Variants in ULK4 observed in about 807,000 individuals in gnomAD.
ULK4 encodes the protein inactive serine/threonine-protein kinase ULK4.
ULK4 carries 133 observed loss-of-function variants against 160.6 expected under a neutral mutation model. The observed-to-expected ratio is 0.83, with a 90% CI of 0.72 to 0.96. The LOEUF is 0.96. Ranked by LOEUF, ULK4 falls within the 40% of genes least tolerant of loss-of-function variation. The pLI is 0.00. For synonymous variants in ULK4, 534 were observed against 539.8 expected (o/e 0.99, Z 0.15); for missense variants, 1,580 against 1,499.5 (o/e 1.05, Z -0.89).
intron 31 of ULK4, among the ~76,000 whole-genome samples, chr3:41,586,428 AGT>A (rs1183083072): frequency 6.6e-6 from 1 of 152,204 alleles, no homozygotes; most frequent in African/African-American, 2.4e-5. Flanking sequence ...CATTTCATAA[AGT>A]GTGTAAAGTA....
chr3:41,951,227 T>C (rs951676330), intron 2 of ULK4, among the ~76,000 whole-genome samples: 4 of 149,846 alleles, frequency 2.7e-5, no homozygotes, highest in African/African-American at 7.4e-5. Context: ...TTTTCAGATA[T>C]TAATAATTAA....
intron 35 of ULK4, among the ~76,000 whole-genome samples, chr3:41,376,300 T>A (rs2081492297): frequency 6.7e-6 from 1 of 150,162 alleles, no homozygotes; most frequent in South Asian, 2.2e-4. Context: ...CATAAATCAT[T>A]CCACTATAAA....
chr3:41,801,141 A>T (rs542851456), intron 19 of ULK4, among the ~76,000 whole-genome samples: 1 of 152,210 alleles, frequency 6.6e-6, no homozygotes, highest in Non-Finnish European at 1.5e-5. Flanking sequence ...GGAGAGAAAC[A>T]AAAGATATAA....
At chr3:41,291,683 C>T (rs77481091) in intron 35 of ULK4, among the ~76,000 whole-genome samples, 10 of 152,228 alleles carry the variant, frequency 6.6e-5, no homozygotes, top group African/African-American at 2.4e-4. Flanking sequence ...CTAATCTACA[C>T]GAGTAAACAT....
At chr3:41,467,577 A>C (rs904934304) in intron 32 of ULK4, among the ~76,000 whole-genome samples, 3 of 152,314 alleles carry the variant, frequency 2.0e-5, no homozygotes, top group Middle Eastern at 6.8e-3. Flanking sequence ...GTCCATCAAC[A>C]GGAGACTAAA....
At chr3:41,390,889 G>A (rs2125806873) in intron 35 of ULK4, among the ~76,000 whole-genome samples, 1 of 152,094 alleles carries the variant, frequency 6.6e-6, no homozygotes, top group Middle Eastern at 3.4e-3. Context: ...AGGTCTGCTT[G>A]GTGCAGAGCT....
intron 35 of ULK4, among the ~76,000 whole-genome samples, chr3:41,283,635 G>T (rs143575505): frequency 2.0e-5 from 3 of 152,060 alleles, no homozygotes; most frequent in Non-Finnish European, 4.4e-5. Flanking sequence ...TCAAAACCAG[G>T]GCCTCTCAGC....
At position 41,255,210 on chromosome 3, in the gene ULK4, G is replaced by A. The variant is rs1372912503; in HGVS notation, c.3679-5636C>T. Among the ~76,000 whole-genome samples the A allele has an allele frequency of 3.3e-5, 5 of 151,648 alleles. No individual in the cohort carries two copies. The South Asian group carries it at 6.2e-4, about 19-fold the overall frequency. ...ATATAAGGGCACCAAGGCCAGGCGC[G>A]GTGGCTCATGCCTGTAATCCCAGCA... On this transcript the variant is annotated intron_variant, in intron 35 of 36. Coordinates refer to ENST00000301831, the MANE Select transcript of ULK4 (RefSeq NM_017886.4).
rs548703903 is a variant in ULK4, at chr3:41,659,417, C to A, written c.3071+4190G>T. 2.6e-5 allele frequency among the ~76,000 whole-genome samples: 4 copies of A among 152,286 alleles called. No individual in the cohort carries two copies. In the South Asian group the frequency reaches 8.3e-4, roughly 32 times the overall value. On this transcript the variant is annotated intron_variant, in intron 30 of 36. Transcript: ENST00000301831. The stretch of plus-strand genomic sequence containing the variant: ...TGAAAAGTAGCATTGCCCAGACCAA[C>A]GAACTATTGGCAAAGGGCATAAGCA...
intron 35 of ULK4, among the ~76,000 whole-genome samples, chr3:41,364,432 T>C (rs902551129): frequency 2.6e-5 from 4 of 152,264 alleles, no homozygotes; most frequent in Non-Finnish European, 5.9e-5. Context: ...GGCATCAGTA[T>C]GTAAATATTG....
At chr3:41,958,521 G>A (rs796527094) in intron 1 of ULK4, among the ~76,000 whole-genome samples, 11 of 150,540 alleles carry the variant, frequency 7.3e-5, no homozygotes, top group African/African-American at 2.7e-4. Context: ...GGCCAACATG[G>A]TGAAACCTCA....
intron 29 of ULK4, among the ~76,000 whole-genome samples, chr3:41,669,763 T>C (rs1312562109): frequency 6.6e-6 from 1 of 152,112 alleles, no homozygotes; most frequent in Non-Finnish European, 1.5e-5. Context: ...ATAGATAATA[T>C]AATAATAATA....
intron 4 of ULK4, among the ~76,000 whole-genome samples, chr3:41,935,209 ATTTTTTTTT>A (rs10524611): frequency 0.12 from 16,000 of 135,600 alleles, 1,253 homozygotes; most frequent in Middle Eastern, 0.26. Context: ...TTATTTATTT[ATTTTTTTTT>A]TTTTTTTTTT....
chr3:41,822,324 C>T (rs28626632), intron 18 of ULK4, among the ~76,000 whole-genome samples: 8,409 of 152,240 alleles, frequency 0.055, 419 homozygotes, highest in East Asian at 0.16. Flanking sequence ...GGCCGTAATC[C>T]ATAATGAGGC....
intron 32 of ULK4, among the ~76,000 whole-genome samples, chr3:41,465,022 A>C (rs528915492): frequency 6.6e-6 from 1 of 152,218 alleles, no homozygotes; most frequent in Admixed American, 6.5e-5. Context: ...GATTTTACAC[A>C]CTGAAGTCAC....
intron 27 of ULK4, among the ~76,000 whole-genome samples, chr3:41,682,881 A>C (rs1232699699): frequency 1.3e-5 from 2 of 152,232 alleles, no homozygotes; most frequent in Non-Finnish European, 2.9e-5. Flanking sequence ...CAGCTATCTT[A>C]AAGGTTGAAT....
chr3:41,807,626 A>G (rs1181867075), intron 19 of ULK4, among the ~76,000 whole-genome samples: 3 of 152,208 alleles, frequency 2.0e-5, no homozygotes. Context: ...GACTCAATCT[A>G]GAGCATGAAA....
chr3:41,822,722 ATTTTTTTTT>A (rs1199516780), intron 18 of ULK4, among the ~76,000 whole-genome samples: 3 of 109,482 alleles, frequency 2.7e-5, no homozygotes, highest in African/African-American at 1.2e-4. Context: ...CCGGGCTGAG[ATTTTTTTTT>A]TTTTTTTTTT....
intron 17 of ULK4, among the ~76,000 whole-genome samples, chr3:41,839,957 G>A (rs1371957696): frequency 6.6e-6 from 1 of 152,160 alleles, no homozygotes; most frequent in Non-Finnish European, 1.5e-5. Flanking sequence ...AATAGACTAT[G>A]TTCATAGATA....
Sources: gnomAD v4.1 joint callset for allele counts (sites outside exome capture counted in the v4.1 genomes callset) on GRCh38, gnomAD v4.1.1 for gene constraint, MANE v1.5 for transcripts, NCBI Gene and HGNC (gene_info 2026-07-23, HGNC 2026-07-21) for gene names.